The following NR3C2 variants were observed in gnomAD, a reference collection of about 807,000 sequenced individuals.
NR3C2 encodes the protein mineralocorticoid receptor.
Under a neutral mutation model 86.4 loss-of-function variants are expected in NR3C2, and 15 were observed. The ratio of observed to expected loss-of-function variants is 0.17; its 90% CI spans 0.12 to 0.27. The LOEUF is 0.27. Among genes scored for constraint, NR3C2 ranks in the 10% least tolerant of loss-of-function variants. The pLI, the probability that NR3C2 is intolerant of heterozygous loss-of-function variation, is 1.00. For missense variants in NR3C2, 960 were observed against 1,195.6 expected (o/e 0.80, Z 2.91); for synonymous variants, 458 against 450.5 (o/e 1.02, Z -0.21).
intron 2 of NR3C2, among the ~76,000 whole-genome samples, chr4:148,359,905 G>A (rs772723801): frequency 6.6e-6 from 1 of 152,176 alleles, no homozygotes. Flanking sequence ...GGAGCCAGGT[G>A]AGCATTCAGG....
At chr4:148,169,533 A>T in intron 4 of NR3C2, among the ~76,000 whole-genome samples, 1 of 151,034 alleles carries the variant, frequency 6.6e-6, no homozygotes, top group Middle Eastern at 3.4e-3. Context: ...CATGTATATA[A>T]ATATATATAT....
intron 2 of NR3C2, among the ~76,000 whole-genome samples, chr4:148,260,805 T>G (rs1343923477): frequency 6.6e-6 from 1 of 152,162 alleles, no homozygotes; most frequent in Non-Finnish European, 1.5e-5. Flanking sequence ...GGGAAACAGT[T>G]TTTAGGGACA....
At chr4:148,181,923 A>C (rs932493128) in intron 4 of NR3C2, among the ~76,000 whole-genome samples, 2 of 152,124 alleles carry the variant, frequency 1.3e-5, no homozygotes, top group Non-Finnish European at 2.9e-5. Context: ...AAATCTATGC[A>C]CTCTTTATTC....
chr4:148,422,898 G>T (rs1045552090), intron 2 of NR3C2, among the ~76,000 whole-genome samples: 2 of 151,990 alleles, frequency 1.3e-5, no homozygotes, highest in African/African-American at 2.4e-5. Context: ...CCATAACTCT[G>T]CTTAAAGTTT....
Position 148,228,551 on chromosome 4 carries a change from A to G in NR3C2, c.1897+31427T>C, listed in dbSNP as rs147105504. Among the ~76,000 whole-genome samples the G allele has an allele frequency of 3.3e-5, 5 of 152,296 alleles. No homozygotes were observed. In the East Asian group the frequency reaches 7.7e-4, roughly 24 times the overall value. On this transcript the variant is annotated intron_variant, in intron 3 of 8. Transcript: ENST00000358102. ...CTATATATATAAATATCTCCATTAC[A>G]TATTATGGAAACAGGTCCTCTGTCA...
At chr4:148,126,205 G>A (rs1391222561) in intron 6 of NR3C2, among the ~76,000 whole-genome samples, 1 of 152,190 alleles carries the variant, frequency 6.6e-6, no homozygotes, top group African/African-American at 2.4e-5. Flanking sequence ...TACCATCTGA[G>A]ATCTCAGGCT....
intron 2 of NR3C2, among the ~76,000 whole-genome samples, chr4:148,352,735 T>A (rs1237640424): frequency 6.6e-6 from 1 of 152,188 alleles, no homozygotes; most frequent in Non-Finnish European, 1.5e-5. Flanking sequence ...AGTTTTAAAA[T>A]CATATTTTAA....
chr4:148,190,674 TCTTAG>T (rs1736153785), intron 4 of NR3C2, among the ~76,000 whole-genome samples: 1 of 152,244 alleles, frequency 6.6e-6, no homozygotes, highest in South Asian at 2.1e-4. Context: ...TTATCTCATT[TCTTAG>T]GTCTATTAGT....
chr4:148,138,063 G>C (rs774471201), intron 6 of NR3C2, among the ~76,000 whole-genome samples: 13 of 152,076 alleles, frequency 8.5e-5, no homozygotes, highest in Admixed American at 2.0e-4. Context: ...ATAAAGAAAA[G>C]CTCGTTAGGA....
chr4:148,089,685 A>G (rs2149708587), intron 8 of NR3C2, among the ~76,000 whole-genome samples: 1 of 152,290 alleles, frequency 6.6e-6, no homozygotes, highest in African/African-American at 2.4e-5. Context: ...AATATTTAAG[A>G]AACATGCCAT....
chr4:148,215,675 A>G (rs983379496), intron 3 of NR3C2, among the ~76,000 whole-genome samples: 1 of 152,262 alleles, frequency 6.6e-6, no homozygotes, highest in African/African-American at 2.4e-5. Context: ...TCTTTTGTCC[A>G]TTTGAGAAAG....
chr4:148,439,453 T>C (rs1167249066), intron 1 of NR3C2, among the ~76,000 whole-genome samples: 5 of 152,160 alleles, frequency 3.3e-5, no homozygotes, highest in Non-Finnish European at 7.3e-5. Flanking sequence ...GCCTGGAAGT[T>C]ACTCTTGTCT....
At chr4:148,113,736 G>T (rs921785958) in intron 8 of NR3C2, among the ~76,000 whole-genome samples, 5 of 152,156 alleles carry the variant, frequency 3.3e-5, no homozygotes, top group African/African-American at 1.2e-4. Flanking sequence ...CTAATCTATA[G>T]AGGACATCCG....
chr4:148,298,642 A>G (rs759958210), intron 2 of NR3C2, among the ~76,000 whole-genome samples: 6 of 152,218 alleles, frequency 3.9e-5, no homozygotes, highest in Non-Finnish European at 8.8e-5. Context: ...AGTAATCACA[A>G]AAGAGTGCTT....
intron 2 of NR3C2, among the ~76,000 whole-genome samples, chr4:148,305,688 T>A (rs1742580722): frequency 6.6e-6 from 1 of 152,202 alleles, no homozygotes; most frequent in African/African-American, 2.4e-5. Flanking sequence ...CAGTATATTG[T>A]GCATGCATTA....
At position 148,397,184 on chromosome 4, in the gene NR3C2, C is replaced by T. The variant is rs926148109; in HGVS notation, c.1757+37920G>A. 3.3e-5 allele frequency among the ~76,000 whole-genome samples: 5 copies of T among 152,354 alleles called. No individual in the cohort carries two copies. The East Asian group carries it at 5.8e-4, about 18-fold the overall frequency. On this transcript the variant is annotated intron_variant, in intron 2 of 8. Coordinates refer to ENST00000358102, the MANE Select transcript of NR3C2 (RefSeq NM_000901.5). ...CAAAGACCAGCCCCCACCATTTCCC[C>T]GTGACCTGCTGTTCTGACCACCAGG...
chr4:148,416,773 C>CT (rs879424244), intron 2 of NR3C2, among the ~76,000 whole-genome samples: 237 of 151,340 alleles, frequency 1.6e-3, no homozygotes, highest in Non-Finnish European at 2.4e-3. Flanking sequence ...TATGTATTTG[C>CT]TTTTTTTTTC....
At chr4:148,323,929 C>T (rs1331657892) in intron 2 of NR3C2, among the ~76,000 whole-genome samples, 1 of 152,182 alleles carries the variant, frequency 6.6e-6, no homozygotes, top group Non-Finnish European at 1.5e-5. Context: ...AAAGAGTCTT[C>T]AATCCCAAGC....
chr4:148,170,558 G>T (rs1049281798), intron 4 of NR3C2, among the ~76,000 whole-genome samples: 1 of 151,988 alleles, frequency 6.6e-6, no homozygotes, highest in African/African-American at 2.4e-5. Context: ...ATAGGCCTAG[G>T]CCTGAAACTG....
Sources: gnomAD v4.1 joint callset for allele counts (sites outside exome capture counted in the v4.1 genomes callset) on GRCh38, gnomAD v4.1.1 for gene constraint, MANE v1.5 for transcripts, NCBI Gene and HGNC (gene_info 2026-07-23, HGNC 2026-07-21) for gene names.